Variants in MORN3 observed in about 807,000 individuals in gnomAD.
The protein encoded by MORN3 is MORN repeat containing 3.
In MORN3, 38 loss-of-function variants were observed where a neutral mutation model predicts 34.7. That is an observed-to-expected ratio of 1.10 (90% CI 0.85 to 1.44). The LOEUF (loss-of-function observed/expected upper bound fraction) is 1.44, where lower values mean the gene tolerates loss of function less well. Ranked by LOEUF, MORN3 falls within the 40% of genes most tolerant of loss-of-function variation. The pLI, the probability that MORN3 is intolerant of heterozygous loss-of-function variation, is 0.00. For synonymous variants in MORN3, 109 were observed against 115.3 expected, an observed-to-expected ratio of 0.95 and a Z score of 0.35; for missense variants, 311 against 321.7, an observed-to-expected ratio of 0.97 and a Z score of 0.25.
rs1178314079 is a variant in MORN3, at chr12:121,659,169, C to A, written c.303+22G>T. On this transcript the variant is annotated intron_variant, in intron 2 of 5. Transcript: ENST00000355329. ...CACACACACACACACACACACACACCCCGGCTGGCAGGCCTGCTCACCGAT... is the reference window on the plus strand; with the variant it reads ...CACACACACACACACACACACACACACCGGCTGGCAGGCCTGCTCACCGAT... 3 of 1,546,314 alleles carry A rather than the reference C, an allele frequency of 1.9e-6. No individual in the cohort carries two copies. The highest frequency in any genetic ancestry group is 2.3e-5 in the East Asian group (1 of 42,772).
Position 121,669,326 on chromosome 12 carries a change from G to C in MORN3, c.145+13C>G. On this transcript the variant is annotated intron_variant, in intron 1 of 5. Coordinates refer to ENST00000355329, the MANE Select transcript of MORN3 (RefSeq NM_173855.5). ...GACCCCACTCCGGCCGCCCGTCCCG[G>C]AGTCCCACTCACCGTGTTTCACGTT... The C allele has an allele frequency of 6.2e-7, 1 of 1,612,618 alleles. No individual in the cohort carries two copies. Among genetic ancestry groups the C allele is most frequent in the Non-Finnish European group, 8.5e-7 (1 of 1,179,108 alleles).
chr12:121,661,480 AT>A (rs1203742772), intron 1 of MORN3, among the ~76,000 whole-genome samples: 1 of 152,202 alleles, frequency 6.6e-6, no homozygotes, highest in Admixed American at 6.5e-5. Context: ...CCAGGAACAA[AT>A]TCAACATTAT....
At chr12:121,656,627 G>A (rs1204423494) in intron 2 of MORN3, among the ~76,000 whole-genome samples, 2 of 152,066 alleles carry the variant, frequency 1.3e-5, no homozygotes, top group Admixed American at 6.6e-5. Context: ...CGATTCTAAT[G>A]TCTCCGTCTC....
At chr12:121,670,527 G>C (rs1410999833), upstream of MORN3, among the ~76,000 whole-genome samples, 2 of 152,156 alleles carry the variant, frequency 1.3e-5, no homozygotes. Context: ...AAAAAAGGAG[G>C]GCCAGGCGCA....
Position 121,652,081 on chromosome 12 carries a change from GCCC to G in MORN3, c.*7-440_*7-438del, listed in dbSNP as rs1555325147. Among the ~76,000 whole-genome samples, 17 of 151,908 alleles carry G rather than the reference GCCC, an allele frequency of 1.1e-4. No homozygotes were observed. The East Asian group carries it at 3.3e-3, about 29-fold the overall frequency. ...CTCCTGAGTAGCTGGAATTACAGGT[GCCC>G]TCCCCCACGCCCAGCTAATTTTTGT... On this transcript the variant is annotated intron_variant, in intron 5 of 5. Coordinates refer to ENST00000355329, the MANE Select transcript of MORN3 (RefSeq NM_173855.5).
At chr12:121,654,473 A>G (rs1440499942) in intron 2 of MORN3, 40 bp from the exon 3 acceptor site, 1 of 1,525,924 alleles carries the variant, frequency 6.6e-7, no homozygotes, top group Admixed American at 2.1e-5. Flanking sequence ...GCGCCCCCCA[A>G]CACCACCAGG....
intron 1 of MORN3, among the ~76,000 whole-genome samples, chr12:121,665,525 T>C (rs953787692): frequency 5.9e-5 from 9 of 151,630 alleles, no homozygotes; most frequent in South Asian, 2.1e-4. Context: ...CCCGGCACTT[T>C]GGCAGGCTGA....
intron 3 of MORN3, 52 bp downstream of exon 3, chr12:121,654,222 G>T: frequency 1.4e-6 from 2 of 1,459,870 alleles, no homozygotes; most frequent in East Asian, 2.5e-5. Context: ...TGGCCAGCTC[G>T]CTGCCGGGGG....
At chr12:121,669,832 ATTTTTT>A (rs63366260), upstream of MORN3, among the ~76,000 whole-genome samples, 1 of 133,614 alleles carries the variant, frequency 7.5e-6, no homozygotes, top group South Asian at 2.3e-4. Flanking sequence ...ATATATATAT[ATTTTTT>A]TTTTTATGTC....
intron 1 of MORN3, among the ~76,000 whole-genome samples, chr12:121,663,538 C>A (rs968263411): frequency 6.6e-6 from 1 of 152,104 alleles, no homozygotes; most frequent in African/African-American, 2.4e-5. Context: ...TACTACACAT[C>A]TTAAGTATAT....
intron 1 of MORN3, among the ~76,000 whole-genome samples, chr12:121,664,394 G>C (rs1893677711): frequency 6.6e-6 from 1 of 152,174 alleles, no homozygotes; most frequent in Non-Finnish European, 1.5e-5. Context: ...TTCCTGGAGG[G>C]GGTGACGTTG....
intron 1 of MORN3, among the ~76,000 whole-genome samples, chr12:121,662,837 T>TC (rs1893626133): frequency 6.6e-6 from 1 of 151,524 alleles, no homozygotes; most frequent in Admixed American, 6.6e-5. Flanking sequence ...GGTCAGGAGT[T>TC]CAAGAACAGC....
At chr12:121,668,285 G>C (rs1402934552) in intron 1 of MORN3, among the ~76,000 whole-genome samples, 3 of 150,292 alleles carry the variant, frequency 2.0e-5, no homozygotes, top group South Asian at 2.2e-4. Flanking sequence ...CTAAACGCCT[G>C]TAATCCCAGC....
chr12:121,671,783 G>A (rs1035308112), upstream of MORN3, among the ~76,000 whole-genome samples: 5 of 151,930 alleles, frequency 3.3e-5, no homozygotes, highest in African/African-American at 1.2e-4. Context: ...GGGAGGCTGA[G>A]GCAGGAGAAT....
chr12:121,672,191 G>C (rs1265616385), upstream of MORN3, among the ~76,000 whole-genome samples: 1 of 152,074 alleles, frequency 6.6e-6, no homozygotes, highest in African/African-American at 2.4e-5. Context: ...CGGCATGGGG[G>C]CTGCCGCCTG....
chr12:121,665,687 C>G (rs1206997423), intron 1 of MORN3, among the ~76,000 whole-genome samples: 2 of 146,400 alleles, frequency 1.4e-5, no homozygotes, highest in African/African-American at 2.5e-5. Context: ...ATCGCTTGAA[C>G]CTGGGAGGCA....
At chr12:121,665,453 G>T (rs1379480998) in intron 1 of MORN3, among the ~76,000 whole-genome samples, 2 of 150,202 alleles carry the variant, frequency 1.3e-5, no homozygotes, top group Non-Finnish European at 3.0e-5. Context: ...ACCACGCCCG[G>T]CTAATTTTTT....
At position 121,669,321 on chromosome 12, in the gene MORN3, T is replaced by C; in HGVS notation, c.145+18A>G. On this transcript the variant is annotated intron_variant, in intron 1 of 5. Transcript: ENST00000355329. ...GCTCTGACCCCACTCCGGCCGCCCG[T>C]CCCGGAGTCCCACTCACCGTGTTTC... The C allele has an allele frequency of 1.9e-6, 3 of 1,611,980 alleles. No individual in the cohort carries two copies. Among genetic ancestry groups the C allele is most frequent in the Non-Finnish European group, 2.5e-6 (3 of 1,178,674 alleles).
intron 1 of MORN3, among the ~76,000 whole-genome samples, 170 bp from the exon 2 acceptor site, chr12:121,659,518 TTC>T (rs1188016342): frequency 6.7e-6 from 1 of 149,254 alleles, no homozygotes; most frequent in Non-Finnish European, 1.5e-5. Context: ...AAAGTTCCAT[TTC>T]TTTCTTTCTT....
Sources: allele counts gnomAD v4.1 joint callset (sites outside exome capture counted in the v4.1 genomes callset), GRCh38; gene constraint gnomAD v4.1.1; transcripts MANE v1.5; gene names NCBI Gene and HGNC (gene_info 2026-07-23, HGNC 2026-07-21).